WNT2: variants seen among roughly 807,000 people sequenced by gnomAD.
WNT2 encodes Wnt family member 2.
In WNT2, 12 loss-of-function variants were observed where a neutral mutation model predicts 36.9. The observed-to-expected ratio is 0.33, with a 90% confidence interval of 0.21 to 0.53. The LOEUF is 0.53. Ranked by LOEUF, WNT2 falls within the 20% of genes least tolerant of loss-of-function variation. WNT2 has a pLI of 0.95. For missense variants in WNT2, 379 were observed against 473.1 expected, an observed-to-expected ratio of 0.80 and a Z score of 1.84; for synonymous variants, 163 against 174.6, an observed-to-expected ratio of 0.93 and a Z score of 0.52.
chr7:117,317,017 A>G (rs1224689575), intron 2 of WNT2, among the ~76,000 whole-genome samples: 1 of 152,230 alleles, frequency 6.6e-6, no homozygotes, highest in Non-Finnish European at 1.5e-5. Context: ...TACCTTTTCC[A>G]TAGTTACCCC....
intron 3 of WNT2, among the ~76,000 whole-genome samples, chr7:117,314,628 A>T (rs1484285422): frequency 2.0e-5 from 3 of 152,252 alleles, no homozygotes; most frequent in Non-Finnish European, 4.4e-5. Context: ...TAAATCTAGA[A>T]GAAGCCAACA....
intron 4 of WNT2, among the ~76,000 whole-genome samples, chr7:117,288,358 A>C (rs1034840100): frequency 2.4e-4 from 37 of 152,234 alleles, no homozygotes; most frequent in African/African-American, 8.9e-4. Flanking sequence ...CCATTAGTCC[A>C]ATTGGAGAAA....
chr7:117,300,080 T>C (rs1794873718), intron 3 of WNT2, among the ~76,000 whole-genome samples: 1 of 152,326 alleles, frequency 6.6e-6, no homozygotes, highest in Non-Finnish European at 1.5e-5. Flanking sequence ...TGCCACTAAC[T>C]TTTTTCCAGC....
intron 3 of WNT2, among the ~76,000 whole-genome samples, chr7:117,310,865 G>T (rs1795108698): frequency 2.0e-5 from 3 of 152,016 alleles, no homozygotes; most frequent in South Asian, 2.1e-4. Flanking sequence ...CAGCTAACTG[G>T]CCCTGTGGCT....
At chr7:117,291,728 G>T (rs1178933723) in intron 4 of WNT2, among the ~76,000 whole-genome samples, 1 of 152,146 alleles carries the variant, frequency 6.6e-6, no homozygotes, top group Non-Finnish European at 1.5e-5. Context: ...TTTTGCTGTT[G>T]TTCTTGCCAT....
intron 3 of WNT2, among the ~76,000 whole-genome samples, chr7:117,306,501 G>C (rs1795017098): frequency 6.6e-6 from 1 of 152,228 alleles, no homozygotes; most frequent in Non-Finnish European, 1.5e-5. Flanking sequence ...AGAACCTCAA[G>C]GCCATAGCCC....
chr7:117,288,823 C>G (rs1794632855), intron 4 of WNT2, among the ~76,000 whole-genome samples: 1 of 151,862 alleles, frequency 6.6e-6, no homozygotes, highest in East Asian at 1.9e-4. Context: ...AGTAATTCTA[C>G]TAAGTTTGTA....
chr7:117,279,832 G>A (rs1009662326), intron 4 of WNT2, among the ~76,000 whole-genome samples: 1 of 152,020 alleles, frequency 6.6e-6, no homozygotes, highest in African/African-American at 2.4e-5. Flanking sequence ...AAAACAAAAC[G>A]ACTTATATCA....
At chr7:117,290,486 CTT>C (rs1486907710) in intron 4 of WNT2, among the ~76,000 whole-genome samples, 1 of 152,184 alleles carries the variant, frequency 6.6e-6, no homozygotes, top group South Asian at 2.1e-4. Context: ...AAAATGGTGA[CTT>C]ATAAGCCTCA....
At chr7:117,309,858 C>A (rs79643487) in intron 3 of WNT2, among the ~76,000 whole-genome samples, 9,282 of 152,112 alleles carry the variant, frequency 0.061, 366 homozygotes, top group Middle Eastern at 0.11. Flanking sequence ...TTAATAAACA[C>A]CCAGAAGCTT....
chr7:117,300,064 C>G (rs571243252), intron 3 of WNT2, among the ~76,000 whole-genome samples: 4 of 152,292 alleles, frequency 2.6e-5, no homozygotes, highest in Non-Finnish European at 5.9e-5. Context: ...AGTAATTTCA[C>G]TGTCTTGCCA....
At chr7:117,306,915 C>A (rs1795024496) in intron 3 of WNT2, among the ~76,000 whole-genome samples, 1 of 152,158 alleles carries the variant, frequency 6.6e-6, no homozygotes, top group African/African-American at 2.4e-5. Context: ...AAAAGCTCTT[C>A]AATAGGCTCA....
At chr7:117,281,627 C>T (rs902725122) in intron 4 of WNT2, among the ~76,000 whole-genome samples, 1 of 151,936 alleles carries the variant, frequency 6.6e-6, no homozygotes, top group African/African-American at 2.4e-5. Context: ...AAAACTAGGT[C>T]GCGAAGGTAA....
intron 4 of WNT2, among the ~76,000 whole-genome samples, chr7:117,292,735 C>G (rs1010903621): frequency 1.3e-5 from 2 of 152,148 alleles, no homozygotes; most frequent in Non-Finnish European, 2.9e-5. Context: ...CCTGAGGATG[C>G]TGGCCTAGGA....
chr7:117,297,300 C>T (rs1165873555), intron 4 of WNT2, among the ~76,000 whole-genome samples: 1 of 151,984 alleles, frequency 6.6e-6, no homozygotes, highest in Non-Finnish European at 1.5e-5. Flanking sequence ...GCACCTCAGC[C>T]TCCTGAGTAG....
chr7:117,319,532 G>T (rs1337878427), intron 2 of WNT2, among the ~76,000 whole-genome samples: 1 of 143,650 alleles, frequency 7.0e-6, no homozygotes, highest in Non-Finnish European at 1.5e-5. Flanking sequence ...TGGGGGGGGG[G>T]GTAGGCAAAA....
chr7:117,301,623 G>T (rs1032808350), intron 3 of WNT2, among the ~76,000 whole-genome samples: 1 of 152,128 alleles, frequency 6.6e-6, no homozygotes. Flanking sequence ...GAAAACCTGC[G>T]CTCTGCGAGG....
chr7:117,312,726 C>T (rs896071036), intron 3 of WNT2, among the ~76,000 whole-genome samples: 3 of 152,158 alleles, frequency 2.0e-5, no homozygotes, highest in Non-Finnish European at 2.9e-5. Flanking sequence ...TCTGCTGAAA[C>T]TATGATTAAA....
At position 117,320,788 on chromosome 7, in the gene WNT2, A is replaced by G; in HGVS notation, c.89T>C (p.Met30Thr). The G allele has an allele frequency of 6.2e-7, 1 of 1,608,702 alleles. No individual in the cohort carries two copies. The highest frequency in any genetic ancestry group is 8.5e-7 in the Non-Finnish European group (1 of 1,178,902). Residue 30 changes from methionine (M) to threonine (T), a missense_variant, in exon 2 of 5, where the codon ATG becomes ACG. Met to Thr is a moderately conservative substitution (Grantham distance 81). Transcript: ENST00000265441. Reference protein sequence around the residue: ...TPEVNSSWWYMRATGGSSRVM... With the variant: ...TPEVNSSWWYTRATGGSSRVM... ...CCTGGAGGAGCCACCTGTAGCTCTCATGTACCTATAAGGGACCAACCAACA... is the reference window on the plus strand; with the variant it reads ...CCTGGAGGAGCCACCTGTAGCTCTCGTGTACCTATAAGGGACCAACCAACA...
Sources: allele counts gnomAD v4.1 joint callset (sites outside exome capture counted in the v4.1 genomes callset), GRCh38; gene constraint gnomAD v4.1.1; transcripts MANE v1.5; gene names NCBI Gene and HGNC (gene_info 2026-07-23, HGNC 2026-07-21).